COPA: variants seen among roughly 807,000 people sequenced by gnomAD.
The protein encoded by COPA is coatomer subunit alpha.
A neutral mutation model predicts 158.7 loss-of-function variants in COPA; 10 were observed. The observed-to-expected ratio is 0.06, with a 90% confidence interval of 0.04 to 0.11. The LOEUF is 0.11. COPA is among the 10% of genes least tolerant of loss of function. The pLI is 1.00. For synonymous variants in COPA, 462 were observed against 542.8 expected, an observed-to-expected ratio of 0.85 and a Z score of 2.07; for missense variants, 1,065 against 1,536.7, an observed-to-expected ratio of 0.69 and a Z score of 5.13.
intron 8 of COPA, among the ~76,000 whole-genome samples, chr1:160,322,344 A>G (rs1659354811): frequency 6.6e-6 from 1 of 152,222 alleles, no homozygotes; most frequent in South Asian, 2.1e-4. Flanking sequence ...AAAGGTGCCA[A>G]GAACATACAA....
chr1:160,291,031 G>A (rs1658213480), intron 31 of COPA, among the ~76,000 whole-genome samples: 1 of 152,198 alleles, frequency 6.6e-6, no homozygotes. Flanking sequence ...TGTATGTGAA[G>A]CTTTGTGGTG....
intron 11 of COPA, among the ~76,000 whole-genome samples, chr1:160,311,024 G>A (rs762179084): frequency 1.3e-5 from 2 of 152,246 alleles, no homozygotes; most frequent in Middle Eastern, 3.4e-3. Flanking sequence ...TTCTCAAGAA[G>A]GGAACTATCA....
At chr1:160,305,320 G>C in intron 17 of COPA, 113 bp downstream of exon 17, 1 of 1,099,212 alleles carries the variant, frequency 9.1e-7, no homozygotes, top group Non-Finnish European at 1.3e-6. Context: ...TATATGCCAG[G>C]TAAGGCTTTT....
Position 160,291,837 on chromosome 1 carries a change from C to T in COPA, c.3240G>A (p.Gln1080=). The T allele has an allele frequency of 6.2e-7, 1 of 1,614,128 alleles. No homozygotes were observed. Among genetic ancestry groups the T allele is most frequent in the Non-Finnish European group, 8.5e-7 (1 of 1,180,020 alleles). Reference sequence around the variant, plus strand: ...ATCTTACCTCACAGATGCGCTTCTGCTGTTCTAGAGTCTCTTTGGGCAGCT... The same window carrying T: ...ATCTTACCTCACAGATGCGCTTCTGTTGTTCTAGAGTCTCTTTGGGCAGCT... ...RKKLPKETLE[Q]QKRICEMAAY... is the part of the protein sequence containing the mutation. Residue 1080 remains glutamine, a synonymous_variant, in exon 30 of 33, where the codon CAG becomes CAA. Coordinates refer to ENST00000241704, the MANE Select transcript of COPA (RefSeq NM_004371.4).
chr1:160,321,049 C>T (rs1659319017), intron 8 of COPA, among the ~76,000 whole-genome samples: 1 of 152,074 alleles, frequency 6.6e-6, no homozygotes, highest in Non-Finnish European at 1.5e-5. Context: ...GTTCAATATA[C>T]ATCAATAAAC....
intron 13 of COPA, among the ~76,000 whole-genome samples, chr1:160,308,497 C>T (rs1658863804): frequency 6.6e-6 from 1 of 152,152 alleles, no homozygotes; most frequent in Non-Finnish European, 1.5e-5. Flanking sequence ...TAGCCATAAA[C>T]CCGCTGGAAG....
intron 11 of COPA, among the ~76,000 whole-genome samples, chr1:160,311,387 G>A (rs138535695): frequency 0.014 from 2,108 of 151,782 alleles, 46 homozygotes; most frequent in African/African-American, 0.042. Flanking sequence ...GCAGTGAGCT[G>A]AGGTTGCATC....
rs529128531 is a variant in COPA, at chr1:160,298,735, A to G, written c.1977+110T>C. 5 of 1,404,970 alleles carry G rather than the reference A, an allele frequency of 3.6e-6. No individual in the cohort carries two copies. The African/African-American group carries it at 5.7e-5, about 16-fold the overall frequency. The allele number at this position is 1,404,970 out of a possible 1,614,324, so 87.0% of individuals were successfully genotyped here. On this transcript the variant is annotated intron_variant, in intron 19 of 32. Coordinates refer to ENST00000241704, the MANE Select transcript of COPA (RefSeq NM_004371.4). ...AATGTAACAACTAAAAAAAATCCCA[A>G]ATTTCATTATTCTGGCTAAAGAAGC...
intron 17 of COPA, among the ~76,000 whole-genome samples, chr1:160,303,524 A>C (rs1006189707): frequency 6.6e-6 from 1 of 152,236 alleles, no homozygotes; most frequent in African/African-American, 2.4e-5. Flanking sequence ...CACACCATAC[A>C]TAACTATCAA....
At position 160,313,614 on chromosome 1, in the gene COPA, T is replaced by C. The variant is rs541938122; in HGVS notation, c.842+376A>G. On this transcript the variant is annotated intron_variant, in intron 9 of 32. Transcript: ENST00000241704. Reference sequence around the variant, plus strand: ...TATTTTTAGTAGAGACGGGGTTTCATTGTGTTAGCCAGGATGGTCTCAATC... The same window carrying C: ...TATTTTTAGTAGAGACGGGGTTTCACTGTGTTAGCCAGGATGGTCTCAATC... 3.0e-3 allele frequency among the ~76,000 whole-genome samples: 453 copies of C among 151,920 alleles called. 1 individual carries two copies. The highest frequency in any genetic ancestry group is 0.01 in the African/African-American group (421 of 41,468).
At chr1:160,313,194 C>T in intron 9 of COPA, 27 bp from the exon 10 acceptor site, 1 of 1,594,572 alleles carries the variant, frequency 6.3e-7, no homozygotes, top group Non-Finnish European at 8.6e-7. Context: ...AAAAGAAAAA[C>T]ATTAATTTCC....
rs1028533477 is a variant in COPA at position 160,290,483 on chromosome 1, A to G, written c.3615+9T>C. On this transcript the variant is annotated intron_variant, in intron 32 of 32. Coordinates refer to ENST00000241704, the MANE Select transcript of COPA (RefSeq NM_004371.4). ...TATCCTAGATATATTTATTGAGGAC[A>G]GTACTTACTGTGGTGACCCTGCAGA... 1.2e-5 allele frequency: 19 copies of G among 1,613,604 alleles called. No homozygotes were observed. Among genetic ancestry groups the G allele is most frequent in the Non-Finnish European group, 1.6e-5 (19 of 1,179,640 alleles).
At position 160,291,830 on chromosome 1, in the gene COPA, G is replaced by A. The variant is rs751952742; in HGVS notation, c.3247C>T (p.Arg1083Cys). The change falls in exon 30 of 33, where the codon CGC becomes TGC. Residue 1083 changes from arginine to cysteine, a missense_variant. Coordinates refer to ENST00000241704, the MANE Select transcript of COPA (RefSeq NM_004371.4). The stretch of plus-strand genomic sequence containing the variant: ...CCTATAGATCTTACCTCACAGATGC[G>A]CTTCTGCTGTTCTAGAGTCTCTTTG... ...LPKETLEQQK[R>C]ICEMAAYFTH... 6.2e-6 allele frequency: 10 copies of A among 1,613,876 alleles called. No homozygotes were observed. Among genetic ancestry groups the A allele is most frequent in the Admixed American group, 5.0e-5 (3 of 60,006 alleles).
chr1:160,304,847 T>C (rs1396859674), intron 17 of COPA, among the ~76,000 whole-genome samples: 1 of 151,734 alleles, frequency 6.6e-6, no homozygotes, highest in Non-Finnish European at 1.5e-5. Flanking sequence ...CAAATATTCC[T>C]TAAGAGTAGA....
chr1:160,300,399 A>C (rs1658563189), intron 17 of COPA, among the ~76,000 whole-genome samples: 1 of 151,386 alleles, frequency 6.6e-6, no homozygotes, highest in Non-Finnish European at 1.5e-5. Flanking sequence ...AAATAGAAGG[A>C]TCAAACTCCT....
In COPA at chr1:160,340,220, G is replaced by T. The variant is rs755405751; in HGVS notation, c.115C>A (p.Arg39=). 1.9e-6 allele frequency: 3 copies of T among 1,613,438 alleles called. No homozygotes were observed. Among genetic ancestry groups the T allele is most frequent in the Non-Finnish European group, 2.5e-6 (3 of 1,179,850 alleles). The change falls in exon 2 of 33, where the codon CGG becomes AGG. Residue 39 remains arginine, a synonymous_variant. Transcript: ENST00000241704. ...AACTTGTCAATGAGAGTGCACATCC[G>T]ATAGTCCCATAACTGGATGACCCCA... The part of the protein sequence containing the change: ...HNGVIQLWDY[R]MCTLIDKFDE...
chr1:160,314,427 G>A (rs764121514), intron 8 of COPA, among the ~76,000 whole-genome samples: 3 of 152,026 alleles, frequency 2.0e-5, no homozygotes, highest in Non-Finnish European at 4.4e-5. Flanking sequence ...CTAGGAGTTC[G>A]AGATCAGCCT....
At chr1:160,338,009 C>T (rs1240682536) in intron 3 of COPA, among the ~76,000 whole-genome samples, 1 of 152,182 alleles carries the variant, frequency 6.6e-6, no homozygotes, top group East Asian at 1.9e-4. Context: ...CCCTCCAACC[C>T]TAGACAATCA....
chr1:160,290,439 CTTTT>C lies in COPA; in HGVS notation c.3615+49_3615+52del, dbSNP rs780278765. 188 of 1,567,302 alleles carry C rather than the reference CTTTT, an allele frequency of 1.2e-4. 1 individual carries two copies. The Middle Eastern group carries it at 6.1e-3, about 51-fold the overall frequency. ...AAAAAAAGGACCACCATGTTTCTTT[CTTTT>C]TCCCCTTCGCTCAATATCCTAGATA... On this transcript the variant is annotated intron_variant, in intron 32 of 32. Coordinates refer to ENST00000241704, the MANE Select transcript of COPA (RefSeq NM_004371.4).
Sources: allele counts gnomAD v4.1 joint callset (sites outside exome capture counted in the v4.1 genomes callset), GRCh38; gene constraint gnomAD v4.1.1; transcripts MANE v1.5; gene names NCBI Gene and HGNC (gene_info 2026-07-23, HGNC 2026-07-21).